Variants in NSD2 observed in about 807,000 individuals in gnomAD.
The protein encoded by NSD2 is nuclear receptor binding SET domain protein 2.
NSD2 carries 12 observed loss-of-function variants against 139.0 expected under a neutral mutation model. The observed-to-expected ratio is 0.09, with a 90% CI of 0.06 to 0.14. The LOEUF is 0.14. Among genes scored for constraint, NSD2 ranks in the 10% least tolerant of loss-of-function variants. The pLI is 1.00. For missense variants in NSD2, 1,155 were observed against 1,745.0 expected, an observed-to-expected ratio of 0.66 and a Z score of 6.02; for synonymous variants, 669 against 648.7, an observed-to-expected ratio of 1.03 and a Z score of -0.48.
intron 1 of NSD2, among the ~76,000 whole-genome samples, chr4:1,896,321 G>C (rs916883189): frequency 6.6e-6 from 1 of 152,242 alleles, no homozygotes; most frequent in Non-Finnish European, 1.5e-5. Flanking sequence ...AGCCTATGAG[G>C]CTCCAGACTG....
chr4:1,874,395 G>T (rs1714099217), intron 1 of NSD2, among the ~76,000 whole-genome samples: 1 of 152,198 alleles, frequency 6.6e-6, no homozygotes, highest in South Asian at 2.1e-4. Context: ...CTTTTTAATG[G>T]CCACTTGTGA....
chr4:1,974,998 C>T lies in NSD2; in HGVS notation c.3508C>T (p.Pro1170Ser). The T allele has an allele frequency of 6.2e-7, 1 of 1,614,110 alleles. No individual in the cohort carries two copies. Among genetic ancestry groups the T allele is most frequent in the South Asian group, 1.1e-5 (1 of 91,084 alleles). ...RVGLFAVCDIPAGTELTFNYN... is the reference protein window; with the variant it reads ...RVGLFAVCDISAGTELTFNYN... ...GGGCCTGTTTGCCGTCTGTGACATT[C>T]CTGCAGGTACAAGCTCTGGGGACCC... Residue 1170 changes from proline to serine, a missense_variant, in exon 19 of 22, where the codon CCT becomes TCT. Transcript: ENST00000508803. The surrounding 1 kb of genome is among the most constrained non-coding windows in gnomAD (Gnocchi z 4.0).
intron 7 of NSD2, among the ~76,000 whole-genome samples, chr4:1,935,665 G>A (rs1285428729): frequency 1.3e-5 from 2 of 152,144 alleles, no homozygotes; most frequent in Non-Finnish European, 2.9e-5. Context: ...TTCGAGACCA[G>A]CCTGGCCAAG....
intron 7 of NSD2, 32 bp from the exon 8 acceptor site, chr4:1,938,419 T>A: frequency 1.4e-5 from 11 of 803,190 alleles, no homozygotes; most frequent in Non-Finnish European, 1.9e-5. Context: ...TTTCTTTCTT[T>A]TTTTTTTTTT....
At chr4:1,873,164 T>C (rs1713995070) in intron 1 of NSD2, among the ~76,000 whole-genome samples, 1 of 152,184 alleles carries the variant, frequency 6.6e-6, no homozygotes, top group Non-Finnish European at 1.5e-5. Context: ...TTTGGGCTGA[T>C]GGTTGGTAGA....
chr4:1,925,791 T>A lies in NSD2; in HGVS notation c.1411-4835T>A, dbSNP rs180730979. Among the ~76,000 whole-genome samples, 511 of 151,654 alleles carry A rather than the reference T, an allele frequency of 3.4e-3. 5 individuals are homozygous for A. Among genetic ancestry groups the A allele is most frequent in the African/African-American group, 0.012 (475 of 41,274 alleles). On this transcript the variant is annotated intron_variant, in intron 5 of 21. Transcript: ENST00000508803. ...ATATATATTTTTTTTTGTTTGTTTG[T>A]TTGTTTGTTTGTTTTTGTTTTTGTT...
At chr4:1,975,632 C>G (rs913342077) in intron 20 of NSD2, 1 of 510,278 alleles carries the variant, frequency 2.0e-6, no homozygotes, top group African/African-American at 1.9e-5. Context: ...CTCACAGACG[C>G]GTGGTTTCGC....
chr4:1,876,248 TTTTG>T (rs1394448689), intron 1 of NSD2, among the ~76,000 whole-genome samples: 1 of 151,996 alleles, frequency 6.6e-6, no homozygotes, highest in Admixed American at 6.6e-5. Flanking sequence ...TTCAAATTAG[TTTTG>T]TTTTAGTATC....
intron 9 of NSD2, chr4:1,943,741 C>T (rs1360194296): frequency 8.5e-6 from 9 of 1,056,408 alleles, no homozygotes; most frequent in Admixed American, 1.1e-4. Context: ...AAAAACCCCA[C>T]GAAATTTAAA....
At chr4:1,945,291 C>T (rs1343624239) in intron 9 of NSD2, 40 of 1,066,010 alleles carry the variant, frequency 3.8e-5, no homozygotes, top group Non-Finnish European at 4.4e-5. Context: ...GAGCTGAGCA[C>T]ACCACAGGAA....
chr4:1,943,668 A>G (rs567196799), intron 9 of NSD2: 3 of 1,048,834 alleles, frequency 2.9e-6, no homozygotes, highest in South Asian at 4.6e-5. Flanking sequence ...TCTAGGAGCA[A>G]TCTAAGCTGT....
intron 18 of NSD2, among the ~76,000 whole-genome samples, chr4:1,969,503 A>T (rs1726220547): frequency 6.6e-6 from 1 of 151,858 alleles, no homozygotes; most frequent in African/African-American, 2.4e-5. Flanking sequence ...CTGGAGTTTG[A>T]GACCAGCCTG....
intron 3 of NSD2, among the ~76,000 whole-genome samples, chr4:1,910,547 G>A (rs1294830165): frequency 6.6e-6 from 1 of 152,160 alleles, no homozygotes. Flanking sequence ...GTAATTTTCT[G>A]TTGTGGAGAT....
chr4:1,955,810 A>G lies in NSD2; in HGVS notation c.2636A>G (p.His879Arg), dbSNP rs1485302063. ...CNDCRAGKKLHFQDIIWVKLG... is the reference protein window; with the variant it reads ...CNDCRAGKKLRFQDIIWVKLG... ...GACTGCAGGGCTGGGAAGAAGCTGC[A>G]CTTCCAGGATATCATTTGGGTGAAA... Residue 879 changes from histidine (H) to arginine (R), a missense_variant, in exon 14 of 22, where the codon CAC (histidine) becomes CGC (arginine). Physicochemically the swap from His to Arg is conservative, Grantham distance 29. Transcript: ENST00000508803. The surrounding 1 kb of genome is among the most constrained non-coding windows in gnomAD (Gnocchi z 4.7). The G allele has an allele frequency of 1.2e-6, 2 of 1,614,140 alleles. No individual in the cohort carries two copies. The highest frequency in any genetic ancestry group is 1.7e-6 in the Non-Finnish European group (2 of 1,180,042).
chr4:1,944,302 C>T, intron 9 of NSD2: 1 of 1,066,184 alleles, frequency 9.4e-7, no homozygotes, highest in Admixed American at 5.3e-5. Flanking sequence ...TTTGAAAGAA[C>T]TTAGGGAGGA....
intron 5 of NSD2, among the ~76,000 whole-genome samples, chr4:1,928,657 T>C (rs1721248149): frequency 6.6e-6 from 1 of 152,064 alleles, no homozygotes; most frequent in Non-Finnish European, 1.5e-5. Context: ...CTTGTGACTC[T>C]GCTTTGACGA....
chr4:1,873,633 A>G (rs1334793364), intron 1 of NSD2, among the ~76,000 whole-genome samples: 1 of 152,224 alleles, frequency 6.6e-6, no homozygotes, highest in African/African-American at 2.4e-5. Flanking sequence ...CCTTCTGCCT[A>G]TTCAGATTAT....
At chr4:1,898,669 A>AC (rs1716737751) in intron 1 of NSD2, among the ~76,000 whole-genome samples, 1 of 146,802 alleles carries the variant, frequency 6.8e-6, no homozygotes, top group African/African-American at 2.6e-5. Flanking sequence ...AAAAAAAAAA[A>AC]AACAAAAAAC....
chr4:1,890,113 A>G (rs1440216027), intron 1 of NSD2, among the ~76,000 whole-genome samples: 1 of 152,172 alleles, frequency 6.6e-6, no homozygotes, highest in Non-Finnish European at 1.5e-5. Flanking sequence ...TCTTTCACTT[A>G]GCATCATGTT....
Sources: allele counts gnomAD v4.1 joint callset (sites outside exome capture counted in the v4.1 genomes callset), GRCh38; gene constraint gnomAD v4.1.1; non-coding constraint Gnocchi (gnomAD v3.1); transcripts MANE v1.5; gene names NCBI Gene and HGNC (gene_info 2026-07-23, HGNC 2026-07-21).